TP63: variants seen among roughly 807,000 people sequenced by gnomAD.
The protein encoded by TP63 is tumor protein 63.
In TP63, 17 loss-of-function variants were observed where a neutral mutation model predicts 82.8. The observed-to-expected ratio is 0.21, with a 90% CI of 0.14 to 0.31. TP63 has a LOEUF of 0.31. Among genes scored for constraint, TP63 ranks in the 10% least tolerant of loss-of-function variants. TP63 has a pLI of 1.00. For missense variants in TP63, 648 were observed against 895.3 expected (o/e 0.72, Z 3.52); for synonymous variants, 330 against 321.7 (o/e 1.03, Z -0.28).
chr3:189,687,960 T>G (rs185751431), intron 1 of TP63, among the ~76,000 whole-genome samples: 308 of 152,148 alleles, frequency 2.0e-3, no homozygotes, highest in African/African-American at 6.6e-3. Context: ...TTATTTCCCT[T>G]TCATTTCAAA....
intron 4 of TP63, among the ~76,000 whole-genome samples, chr3:189,849,276 C>G (rs1043791715): frequency 1.3e-5 from 2 of 152,180 alleles, no homozygotes; most frequent in Non-Finnish European, 2.9e-5. Context: ...GCAAATTAAT[C>G]AAACCCAAAT....
intron 1 of TP63, among the ~76,000 whole-genome samples, chr3:189,671,064 A>C (rs979934638): frequency 6.6e-6 from 1 of 152,120 alleles, no homozygotes; most frequent in Non-Finnish European, 1.5e-5. Context: ...TGTGCACAGC[A>C]AAGGAAACGA....
At chr3:189,832,329 A>G (rs1026417724) in intron 4 of TP63, among the ~76,000 whole-genome samples, 4 of 152,240 alleles carry the variant, frequency 2.6e-5, no homozygotes, top group Middle Eastern at 3.4e-3. Flanking sequence ...CAGTTGTTAG[A>G]GACAAAGTCC....
At chr3:189,660,205 A>G (rs1324821683) in intron 1 of TP63, among the ~76,000 whole-genome samples, 1 of 151,904 alleles carries the variant, frequency 6.6e-6, no homozygotes, top group Non-Finnish European at 1.5e-5. Flanking sequence ...TAAATCTTTA[A>G]TCCGTTTTAA....
intron 4 of TP63, among the ~76,000 whole-genome samples, chr3:189,814,913 G>T (rs561626626): frequency 1.3e-5 from 2 of 152,226 alleles, no homozygotes; most frequent in African/African-American, 4.8e-5. Flanking sequence ...ACATTAAACT[G>T]ATCTTGATTT....
At chr3:189,847,650 T>C (rs1715066652) in intron 4 of TP63, among the ~76,000 whole-genome samples, 2 of 152,218 alleles carry the variant, frequency 1.3e-5, no homozygotes, top group Non-Finnish European at 2.9e-5. Context: ...TGGGGGTCCT[T>C]TCTAAATAGG....
intron 3 of TP63, among the ~76,000 whole-genome samples, chr3:189,779,320 G>A (rs1724051724): frequency 6.6e-6 from 1 of 152,040 alleles, no homozygotes; most frequent in South Asian, 2.1e-4. Context: ...GCCTCCATAG[G>A]CCAGAAGATC....
chr3:189,663,203 C>A (rs1031771638), intron 1 of TP63, among the ~76,000 whole-genome samples: 1 of 151,972 alleles, frequency 6.6e-6, no homozygotes, highest in African/African-American at 2.4e-5. Context: ...CAGTAAGTAT[C>A]AAAATACTTT....
chr3:189,827,983 G>A (rs1711663796), intron 4 of TP63, among the ~76,000 whole-genome samples: 2 of 152,196 alleles, frequency 1.3e-5, no homozygotes, highest in African/African-American at 2.4e-5. Flanking sequence ...GCTCATGCCT[G>A]TAATCCCAGC....
Position 189,837,284 on chromosome 3 carries a change from T to C in TP63, c.580-26948T>C, listed in dbSNP as rs142739985. Among the ~76,000 whole-genome samples the C allele has an allele frequency of 2.3e-4, 35 of 152,226 alleles. No homozygotes were observed. In the East Asian group the frequency reaches 3.3e-3, roughly 14 times the overall value. On this transcript the variant is annotated intron_variant, in intron 4 of 13. Coordinates refer to ENST00000264731, the MANE Select transcript of TP63 (RefSeq NM_003722.5). ...TGTCACATAATTTGGCTATTTAATG[T>C]AATTTGGTTAATAATCCTCATCTAT... is the stretch of plus-strand genomic sequence containing the variant.
chr3:189,896,104 A>C lies in TP63; in HGVS notation c.*1602A>C, dbSNP rs1158220781. On this transcript the variant is annotated 3_prime_UTR_variant, in exon 14 of 14. Transcript: ENST00000264731. ...TCAGAAATATAACACATTTTTTTGC[A>C]TGCATGCAAATGAGCTCTGAAATCT... is the stretch of plus-strand genomic sequence containing the variant. 1 of 222,238 alleles carries C rather than the reference A, an allele frequency of 4.5e-6. No homozygotes were observed. The highest frequency in any genetic ancestry group is 2.2e-5 in the African/African-American group (1 of 44,724). The allele number at this position is 222,238 out of a possible 1,614,324, so 13.8% of individuals were successfully genotyped here.
Position 189,805,176 on chromosome 3 carries a change from A to C in TP63, c.325-3096A>C, listed in dbSNP as rs148371259. On this transcript the variant is annotated intron_variant, in intron 3 of 13. Coordinates refer to ENST00000264731, the MANE Select transcript of TP63 (RefSeq NM_003722.5). ...CAAAGGACTCTTGTGACTCCTCAGTAAATGGAATTTTCCCTTTCTTTTCCT... is the reference window on the plus strand; with the variant it reads ...CAAAGGACTCTTGTGACTCCTCAGTCAATGGAATTTTCCCTTTCTTTTCCT... Among the ~76,000 whole-genome samples, 1,107 of 152,324 alleles carry C rather than the reference A, an allele frequency of 7.3e-3. 11 individuals carry two copies. The highest frequency in any genetic ancestry group is 0.026 in the African/African-American group (1,061 of 41,564).
At chr3:189,885,235 T>G (rs746969207) in intron 10 of TP63, among the ~76,000 whole-genome samples, 3 of 152,188 alleles carry the variant, frequency 2.0e-5, no homozygotes, top group Non-Finnish European at 4.4e-5. Context: ...AGTAATTCAG[T>G]GTAGATGCTG....
chr3:189,703,581 G>T (rs888561671), intron 1 of TP63, among the ~76,000 whole-genome samples: 3 of 152,148 alleles, frequency 2.0e-5, no homozygotes, highest in Non-Finnish European at 4.4e-5. Context: ...GATATTGAAA[G>T]AAAAGGTAGA....
At chr3:189,620,846 A>G in the TP63 span, among the ~76,000 whole-genome samples, 1 of 152,214 alleles carries the variant, frequency 6.6e-6, no homozygotes, top group Non-Finnish European at 1.5e-5. Flanking sequence ...CGTACCACAC[A>G]TCTTTCATGA....
intron 1 of TP63, among the ~76,000 whole-genome samples, chr3:189,675,968 C>T (rs527707576): frequency 4.2e-5 from 5 of 118,674 alleles, no homozygotes; most frequent in East Asian, 2.6e-4. Flanking sequence ...TAAAAAGAAC[C>T]GTGAACCCTT....
chr3:189,714,600 C>G (rs1718824179), intron 1 of TP63, among the ~76,000 whole-genome samples: 1 of 152,132 alleles, frequency 6.6e-6, no homozygotes, highest in African/African-American at 2.4e-5. Flanking sequence ...AAGACTGTAT[C>G]TCTCACTGAT....
chr3:189,884,377 A>G (rs947157775), intron 10 of TP63, among the ~76,000 whole-genome samples: 3 of 152,038 alleles, frequency 2.0e-5, no homozygotes, highest in African/African-American at 7.2e-5. Context: ...TACTTCATCT[A>G]TTTCTTGTCC....
intron 1 of TP63, among the ~76,000 whole-genome samples, chr3:189,678,842 C>A (rs1000192623): frequency 6.6e-6 from 1 of 151,802 alleles, no homozygotes; most frequent in African/African-American, 2.4e-5. Context: ...AAATGTATTC[C>A]TCAATATTAT....
Sources: allele counts gnomAD v4.1 joint callset (sites outside exome capture counted in the v4.1 genomes callset), GRCh38; gene constraint gnomAD v4.1.1; transcripts MANE v1.5; gene names NCBI Gene and HGNC (gene_info 2026-07-23, HGNC 2026-07-21).